Variants in MTA3 observed in about 807,000 individuals in gnomAD.
MTA3 encodes the protein metastasis associated 1 family member 3, also known as metastasis-associated protein MTA3.
A neutral mutation model predicts 83.5 loss-of-function variants in MTA3; 34 were observed. The ratio of observed to expected loss-of-function variants is 0.41; its 90% CI spans 0.31 to 0.54. The LOEUF (loss-of-function observed/expected upper bound fraction) is 0.54. Ranked by LOEUF, MTA3 falls within the 20% of genes least tolerant of loss-of-function variation. MTA3 has a pLI of 0.33. For synonymous variants in MTA3, 303 were observed against 252.7 expected, an observed-to-expected ratio of 1.20 and a Z score of -1.89; for missense variants, 761 against 726.4, an observed-to-expected ratio of 1.05 and a Z score of -0.55.
chr2:42,658,437 G>A (rs974201019), intron 7 of MTA3, among the ~76,000 whole-genome samples: 1 of 152,222 alleles, frequency 6.6e-6, no homozygotes, highest in Non-Finnish European at 1.5e-5. Context: ...GTAGAGTGGA[G>A]GTGGGGATGA....
chr2:42,749,656 C>A (rs1305099140), intron 16 of MTA3, among the ~76,000 whole-genome samples: 1 of 152,030 alleles, frequency 6.6e-6, no homozygotes, highest in African/African-American at 2.4e-5. Context: ...TTAGGAGAGA[C>A]AGGGTTTTGT....
chr2:42,576,291 C>T (rs752009), intron 2 of MTA3, among the ~76,000 whole-genome samples: 112,130 of 151,964 alleles, frequency 0.74, 41,566 homozygotes, highest in South Asian at 0.88. Flanking sequence ...AATGACAGGT[C>T]ATTTCCTTTA....
intron 11 of MTA3, among the ~76,000 whole-genome samples, chr2:42,701,841 G>A (rs1000042496): frequency 3.3e-5 from 5 of 151,266 alleles, no homozygotes; most frequent in Non-Finnish European, 7.4e-5. Context: ...TGAACCTGCC[G>A]GGGGCAGAGG....
intron 4 of MTA3, among the ~76,000 whole-genome samples, chr2:42,639,358 A>T (rs1277916897): frequency 6.6e-6 from 1 of 152,158 alleles, no homozygotes; most frequent in Non-Finnish European, 1.5e-5. Flanking sequence ...GTGAGCCCTG[A>T]CCAGTATTTG....
rs1687589347 is a variant in MTA3, at chr2:42,640,256, GT to G, written c.381+24del. The G allele has an allele frequency of 1.3e-6, 2 of 1,567,254 alleles. No individual in the cohort carries two copies. Among genetic ancestry groups the G allele is most frequent in the Non-Finnish European group, 8.7e-7 (1 of 1,155,258 alleles). ...AAGGAGGTAATTCACAATCATAGTT[GT>G]TTTGTTTTTTTCTCCCTTTATTTCA... On this transcript the variant is annotated intron_variant, in intron 5 of 16. Transcript: ENST00000405094.
upstream of MTA3, among the ~76,000 whole-genome samples, chr2:42,567,646 G>GTT (rs113411179): frequency 6.2e-5 from 9 of 144,232 alleles, no homozygotes; most frequent in East Asian, 2.0e-4. Context: ...ATTCAACGTT[G>GTT]TTTTTTTTTT....
At chr2:42,544,175 C>T (rs774930654) in intron 2 of MTA3, among the ~76,000 whole-genome samples, 43 of 152,044 alleles carry the variant, frequency 2.8e-4, no homozygotes, top group Non-Finnish European at 4.3e-4. Context: ...TGGCCTGGCA[C>T]GGTGGCTCAC....
At chr2:42,543,675 AG>A (rs1231402708) in intron 2 of MTA3, among the ~76,000 whole-genome samples, 1 of 137,748 alleles carries the variant, frequency 7.3e-6, no homozygotes, top group Non-Finnish European at 1.5e-5. Flanking sequence ...TTGTACAGAC[AG>A]GGTCTTACTC....
chr2:42,606,841 G>A (rs1573227719), intron 3 of MTA3, among the ~76,000 whole-genome samples: 1 of 149,178 alleles, frequency 6.7e-6, no homozygotes, highest in Admixed American at 6.7e-5. Context: ...ACCTCGGGAG[G>A]CCGAGGTTGG....
At chr2:42,535,630 A>G (rs1572941099) in intron 2 of MTA3, among the ~76,000 whole-genome samples, 1 of 152,144 alleles carries the variant, frequency 6.6e-6, no homozygotes, top group Admixed American at 6.6e-5. Flanking sequence ...GCTTCTAGAG[A>G]GGGTGGGAAG....
intron 3 of MTA3, among the ~76,000 whole-genome samples, chr2:42,597,379 T>C (rs1681933388): frequency 7.0e-6 from 1 of 143,814 alleles, no homozygotes; most frequent in Non-Finnish European, 1.5e-5. Context: ...AGTTATCTTT[T>C]TTTTTTTTTT....
At chr2:42,657,765 A>T (rs1418903480) in intron 7 of MTA3, among the ~76,000 whole-genome samples, 2 of 9,918 alleles carry the variant, frequency 2.0e-4, no homozygotes, top group African/African-American at 1.6e-3. Flanking sequence ...TCATCTCTTA[A>T]AAAAAAAAAA....
chr2:42,526,661 G>C (rs1185395696), intron 2 of MTA3, among the ~76,000 whole-genome samples: 2 of 152,090 alleles, frequency 1.3e-5, no homozygotes, highest in African/African-American at 4.8e-5. Flanking sequence ...TTGGTATGTG[G>C]TTAGGCACCG....
intron 14 of MTA3, among the ~76,000 whole-genome samples, chr2:42,715,360 C>T (rs1273561776): frequency 6.7e-6 from 1 of 149,148 alleles, no homozygotes; most frequent in Admixed American, 6.7e-5. Flanking sequence ...AGAATCTTTT[C>T]ACTCTAATTT....
chr2:42,754,704 C>T lies in MTA3; in HGVS notation c.*1305C>T, dbSNP rs1228349705. 7.1e-6 allele frequency: 7 copies of T among 985,506 alleles called. No individual in the cohort carries two copies. Among genetic ancestry groups the T allele is most frequent in the Middle Eastern group, 5.2e-4 (1 of 1,914 alleles). 61.0% of individuals were successfully genotyped at this position (985,506 alleles called of 1,614,324 possible). Reference sequence around the variant, plus strand: ...AGCCATCTCTGGGGTTACTAGGAGGCAGCTGGATGGCAGATACGAGAGGCC... The same window carrying T: ...AGCCATCTCTGGGGTTACTAGGAGGTAGCTGGATGGCAGATACGAGAGGCC... On this transcript the variant is annotated 3_prime_UTR_variant, in exon 17 of 17. Coordinates refer to ENST00000405094, the MANE Select transcript of MTA3 (RefSeq NM_001330442.2).
chr2:42,732,028 G>T (rs1573793403), intron 16 of MTA3, among the ~76,000 whole-genome samples: 2 of 152,298 alleles, frequency 1.3e-5, no homozygotes, highest in South Asian at 4.1e-4. Flanking sequence ...TCATATCCAG[G>T]TCATGCTGAC....
intron 1 of MTA3, 34 bp downstream of exon 1, chr2:42,568,807 G>T: frequency 8.2e-7 from 1 of 1,215,226 alleles, no homozygotes; most frequent in Non-Finnish European, 1.0e-6. Flanking sequence ...GCCCGTGTGG[G>T]AGCGGGTTCC....
intron 16 of MTA3, among the ~76,000 whole-genome samples, chr2:42,725,420 G>A (rs766858929): frequency 4.6e-5 from 7 of 152,154 alleles, no homozygotes; most frequent in Non-Finnish European, 8.8e-5. Flanking sequence ...CACTGTATTA[G>A]GTTCTATCAG....
chr2:42,544,221 G>A (rs1002358053), intron 2 of MTA3, among the ~76,000 whole-genome samples: 3 of 152,222 alleles, frequency 2.0e-5, no homozygotes, highest in South Asian at 2.1e-4. Context: ...GCCAAAGCAG[G>A]CAGATCACAA....
Sources: gnomAD v4.1 joint callset for allele counts (sites outside exome capture counted in the v4.1 genomes callset) on GRCh38, gnomAD v4.1.1 for gene constraint, MANE v1.5 for transcripts, NCBI Gene and HGNC (gene_info 2026-07-23, HGNC 2026-07-21) for gene names.